ADCY7: variants seen among roughly 807,000 people sequenced by gnomAD.
The protein encoded by ADCY7 is adenylate cyclase 7.
Under a neutral mutation model 120.6 loss-of-function variants are expected in ADCY7, and 72 were observed. The ratio of observed to expected loss-of-function variants is 0.60; its 90% CI spans 0.49 to 0.73. The LOEUF is 0.73. ADCY7 is among the 30% of genes least tolerant of loss of function. The pLI, the probability that ADCY7 is intolerant of heterozygous loss-of-function variation, is 0.00. For missense variants in ADCY7, 1,227 were observed against 1,486.0 expected, an observed-to-expected ratio of 0.83 and a Z score of 2.87; for synonymous variants, 661 against 628.0, an observed-to-expected ratio of 1.05 and a Z score of -0.78.
intron 10 of ADCY7, among the ~76,000 whole-genome samples, chr16:50,303,407 A>T (rs962678280): frequency 6.6e-6 from 1 of 152,150 alleles, no homozygotes. Context: ...AGGCTTGTCC[A>T]TGGGGTGTTT....
At chr16:50,312,829 G>T in intron 21 of ADCY7, 61 bp from the exon 22 acceptor site, 2 of 1,463,832 alleles carry the variant, frequency 1.4e-6, no homozygotes, top group Non-Finnish European at 1.8e-6. Context: ...CTGAGGCCTT[G>T]CCACTCTTCC....
At chr16:50,308,070 G>C (rs2036197355) in intron 15 of ADCY7, among the ~76,000 whole-genome samples, 1 of 151,734 alleles carries the variant, frequency 6.6e-6, no homozygotes, top group Admixed American at 6.6e-5. Flanking sequence ...GAGTCTAAAG[G>C]CTGCAGAGAC....
At position 50,287,967 on chromosome 16, in the gene ADCY7, C is replaced by T. The variant is rs11644926; in HGVS notation, c.-213C>T. 0.066 allele frequency: 32,369 copies of T among 491,932 alleles called. 1,452 individuals are homozygous for T. Among genetic ancestry groups the T allele is most frequent in the Non-Finnish European group, 0.078 (21,976 of 282,944 alleles). The allele number at this position is 491,932 out of a possible 1,614,324, so 30.5% of individuals were successfully genotyped here. On this transcript the variant is annotated 5_prime_UTR_variant, in exon 2 of 26. Coordinates refer to ENST00000673801, the MANE Select transcript of ADCY7 (RefSeq NM_001114.5). ...GTCTGGATGCACAGGAGGATGCTGGCGGCACAGTGAGTGAGGCCTGGTGCC... is the reference window on the plus strand; with the variant it reads ...GTCTGGATGCACAGGAGGATGCTGGTGGCACAGTGAGTGAGGCCTGGTGCC...
chr16:50,307,207 T>G, intron 15 of ADCY7, 60 bp downstream of exon 15: 1 of 1,515,262 alleles, frequency 6.6e-7, no homozygotes, highest in Non-Finnish European at 9.0e-7. Context: ...GGAAGGTGAC[T>G]ATGAACCTGC....
In ADCY7 at chr16:50,288,282, C is replaced by T; in HGVS notation, c.103C>T (p.Leu35=). 6.4e-7 allele frequency: 1 copy of T among 1,551,092 alleles called. No individual in the cohort carries two copies. The highest frequency in any genetic ancestry group is 8.7e-7 in the Non-Finnish European group (1 of 1,146,920). The change falls in exon 2 of 26, where the codon CTG becomes TTG. Residue 35 remains leucine, a synonymous_variant. Coordinates refer to ENST00000673801, the MANE Select transcript of ADCY7 (RefSeq NM_001114.5). The part of the protein sequence containing the change: ...YQLTSQHGPL[L]LTLLLVAATA... Reference sequence around the variant, plus strand: ...GCTCACCAGCCAGCATGGGCCGCTGCTGCTCACGCTCCTGCTGGTGGCCGC... The same window carrying T: ...GCTCACCAGCCAGCATGGGCCGCTGTTGCTCACGCTCCTGCTGGTGGCCGC...
At chr16:50,303,552 C>T (rs1405114210) in intron 10 of ADCY7, among the ~76,000 whole-genome samples, 2 of 152,084 alleles carry the variant, frequency 1.3e-5, no homozygotes, top group Admixed American at 6.5e-5. Context: ...GTCCCTTTTC[C>T]AGTCCTGTCT....
chr16:50,299,143 G>A (rs2035549309), intron 8 of ADCY7, 112 bp downstream of exon 8: 1 of 1,386,272 alleles, frequency 7.2e-7, no homozygotes, highest in Non-Finnish European at 9.5e-7. Flanking sequence ...AGGCTCGGGG[G>A]GTTGGGGGTG....
At chr16:50,314,731 T>C (rs2036701584) in intron 24 of ADCY7, 5 of 447,530 alleles carry the variant, frequency 1.1e-5, no homozygotes, top group Non-Finnish European at 2.0e-5. Context: ...CAGGCCTTTG[T>C]TAATACTTTT....
At chr16:50,250,021 GGTAGCT>G (rs2032707882) in intron 1 of ADCY7, among the ~76,000 whole-genome samples, 1 of 152,218 alleles carries the variant, frequency 6.6e-6, no homozygotes, top group Non-Finnish European at 1.5e-5. Flanking sequence ...CTCAATGTTT[GGTAGCT>G]GTGTGACTTT....
chr16:50,312,148 C>T lies in ADCY7; in HGVS notation c.2561C>T (p.Pro854Leu). Residue 854 changes from proline (P) to leucine (L), a missense_variant, in exon 21 of 26, where the codon CCA becomes CTA. Physicochemically the swap from Pro to Leu is moderately conservative, Grantham distance 98. Around this residue, in one of 5 missense-constraint regions of ADCY7, gnomAD observed 244 missense variants for 332.8 expected, o/e 0.73. Transcript: ENST00000673801. ...CGCCTTCTTCTGGAGAACGTCCTGC[C>T]AGCCCACGTGGCTGCCCACTTTATC... ...VNRLLLENVL[P>L]AHVAAHFIGD... The T allele has an allele frequency of 6.2e-7, 1 of 1,614,224 alleles. No homozygotes were observed. The highest frequency in any genetic ancestry group is 8.5e-7 in the Non-Finnish European group (1 of 1,180,040).
chr16:50,268,610 G>A (rs1283206852), intron 1 of ADCY7, among the ~76,000 whole-genome samples: 3 of 152,316 alleles, frequency 2.0e-5, no homozygotes, highest in East Asian at 3.9e-4. Context: ...ACTAGCAGCT[G>A]TTTTCCGGGT....
chr16:50,308,929 C>T, intron 17 of ADCY7, 137 bp downstream of exon 17: 1 of 1,175,922 alleles, frequency 8.5e-7, no homozygotes, highest in Non-Finnish European at 1.1e-6. Flanking sequence ...GGGGGTTCCC[C>T]TTTGTACACT....
chr16:50,294,646 C>A lies in ADCY7; in HGVS notation c.843C>A (p.Leu281=). The stretch of plus-strand genomic sequence containing the variant: ...CACCCTGCCCCATCCCCAGCATCCT[C>A]TATGCGGACATCGTGGGCTTCACGC... ...YVKRHQNVSI[L]YADIVGFTQL... Residue 281 remains leucine, a synonymous_variant, in exon 7 of 26, where the codon CTC becomes CTA. Coordinates refer to ENST00000673801, the MANE Select transcript of ADCY7 (RefSeq NM_001114.5). 2 of 1,578,668 alleles carry A rather than the reference C, an allele frequency of 1.3e-6. No individual in the cohort carries two copies. Among genetic ancestry groups the A allele is most frequent in the Non-Finnish European group, 1.7e-6 (2 of 1,151,588 alleles).
Position 50,315,103 on chromosome 16 carries a change from C to T in ADCY7, c.3061C>T (p.Arg1021Ter), listed in dbSNP as rs768517386. 1.1e-5 allele frequency: 18 copies of T among 1,614,138 alleles called. No homozygotes were observed. The highest frequency in any genetic ancestry group is 6.6e-5 in the South Asian group (6 of 91,080). The change falls in exon 25 of 26, where the codon CGA becomes TGA. Residue 1021 changes from arginine (R) to a stop codon, truncating the protein, a stop_gained. Transcript: ENST00000673801. LOFTEE classifies it high-confidence loss of function. ...IWGNTVNVASRMESTGELGKI... is the reference protein window; with the variant it reads ...IWGNTVNVAS ...GGGAAACACTGTCAATGTGGCCAGC[C>T]GAATGGAAAGCACTGGAGAACTTGG...
chr16:50,304,682 C>A, intron 11 of ADCY7, 131 bp downstream of exon 11: 2 of 1,075,410 alleles, frequency 1.9e-6, no homozygotes, highest in Non-Finnish European at 2.7e-6. Context: ...GCCTCTGCCC[C>A]ACCTCCTGGG....
intron 6 of ADCY7, 47 bp from the exon 7 acceptor site, chr16:50,294,593 C>A: frequency 8.0e-7 from 1 of 1,254,944 alleles, no homozygotes; most frequent in Non-Finnish European, 1.1e-6. Context: ...CTGCTGCTGT[C>A]TAGGAGCCTG....
chr16:50,313,162 A>T, intron 22 of ADCY7, 126 bp downstream of exon 22: 1 of 1,327,762 alleles, frequency 7.5e-7, no homozygotes, highest in Non-Finnish European at 1.0e-6. Context: ...GTGGTCTATA[A>T]TCCCAGCACT....
At position 50,316,638 on chromosome 16, in the gene ADCY7, C is replaced by T. The variant is rs546447480; in HGVS notation, c.*1133C>T. The T allele has an allele frequency of 2.0e-5, 3 of 152,432 alleles. No individual in the cohort carries two copies. Among genetic ancestry groups the T allele is most frequent in the East Asian group, 1.9e-4 (1 of 5,322 alleles). The allele number at this position is 152,432 out of a possible 1,614,324, so 9.4% of individuals were successfully genotyped here. A position where few individuals can be genotyped will look rare whatever the true frequency, so the allele number is the denominator to read the frequency against. ...GCCCGCCCCCTCACAAATGCTGAGCCGTTCTTGCTCTGAAACTGCGTGAGT... is the reference window on the plus strand; with the variant it reads ...GCCCGCCCCCTCACAAATGCTGAGCTGTTCTTGCTCTGAAACTGCGTGAGT... On this transcript the variant is annotated 3_prime_UTR_variant, in exon 26 of 26. Transcript: ENST00000673801.
rs774654801 is a variant in ADCY7, at chr16:50,291,994, C to T, written c.537+97C>T. The T allele has an allele frequency of 1.3e-3, 1,784 of 1,360,150 alleles. 1 individual carries two copies. The highest frequency in any genetic ancestry group is 1.6e-3 in the Non-Finnish European group (1,646 of 1,015,650). The allele number at this position is 1,360,150 out of a possible 1,614,324, so 84.3% of individuals were successfully genotyped here. On this transcript the variant is annotated intron_variant, in intron 4 of 25. Transcript: ENST00000673801. Reference sequence around the variant, plus strand: ...CTGGGTGAATCAGACCCGAAGGCCCCGGAGCCGTGTTTGCAGACAGCCCGC... The same window carrying T: ...CTGGGTGAATCAGACCCGAAGGCCCTGGAGCCGTGTTTGCAGACAGCCCGC...
Sources: gnomAD v4.1 joint callset for allele counts (sites outside exome capture counted in the v4.1 genomes callset) on GRCh38, gnomAD v4.1.1 for gene constraint, gnomAD v4.1.1 regional missense constraint, MANE v1.5 for transcripts, NCBI Gene and HGNC (gene_info 2026-07-23, HGNC 2026-07-21) for gene names.